Variants in ZNF707 observed in about 807,000 individuals in gnomAD.
The protein encoded by ZNF707 is zinc finger protein 707.
A neutral mutation model predicts 13.3 loss-of-function variants in ZNF707; 8 were observed. The observed-to-expected ratio is 0.60, with a 90% CI of 0.35 to 1.09. ZNF707 has a LOEUF of 1.09. Among genes scored for constraint, ZNF707 ranks in the 50% least tolerant of loss-of-function variants. ZNF707 has a pLI of 0.02. For synonymous variants in ZNF707, 225 were observed against 205.6 expected (o/e 1.09, Z -0.81); for missense variants, 530 against 512.6 (o/e 1.03, Z -0.33).
Position 143,693,983 on chromosome 8 carries a change from G to C in ZNF707, c.569G>C (p.Arg190Pro). The change falls in exon 6 of 6, where the codon CGG becomes CCG. Residue 190 changes from arginine (R) to proline (P), a missense_variant. Coordinates refer to ENST00000358656, the MANE Select transcript of ZNF707 (RefSeq NM_001100598.2). This position sits in a 1 kb window ranked among gnomAD's most constrained non-coding sequence, Gnocchi z 4.1. ...GGGAAGGCGCTCAGCTGCCACAGCC[G>C]GCTGCTCGCTCACCAGACGGTGCAC... is the stretch of plus-strand genomic sequence containing the variant. The part of the protein sequence containing the change: ...TCGKALSCHS[R>P]LLAHQTVHTG... The C allele has an allele frequency of 3.1e-6, 5 of 1,602,442 alleles. No individual in the cohort carries two copies. Among genetic ancestry groups the C allele is most frequent in the Middle Eastern group, 1.7e-4 (1 of 5,998 alleles).
In ZNF707 at chr8:143,694,360, TAC is replaced by T; in HGVS notation, c.949_950del (p.Thr317LeufsTer144). On this transcript the variant is annotated frameshift_variant, in exon 6 of 6. Coordinates refer to ENST00000358656, the MANE Select transcript of ZNF707 (RefSeq NM_001100598.2). LOFTEE classifies it low-confidence loss of function (END_TRUNC). The surrounding 1 kb of genome is among the most constrained non-coding windows in gnomAD (Gnocchi z 4.4). ...HQRVHSGEKP[Y>X]TCAECGKSFR... ...GAGGGTCCACAGCGGGGAGAAGCCCTACACCTGTGCCGAGTGCGGCAAGTCCT... is the reference window on the plus strand; with the variant it reads ...GAGGGTCCACAGCGGGGAGAAGCCCTACCTGTGCCGAGTGCGGCAAGTCCT... The T allele has an allele frequency of 6.2e-7, 1 of 1,611,906 alleles. No homozygotes were observed. Among genetic ancestry groups the T allele is most frequent in the Non-Finnish European group, 8.5e-7 (1 of 1,179,266 alleles).
chr8:143,695,316 G>C lies in ZNF707; in HGVS notation c.*786G>C, dbSNP rs1357468046. The C allele has an allele frequency of 6.6e-6, 1 of 152,242 alleles. No homozygotes were observed. Among genetic ancestry groups the C allele is most frequent in the Non-Finnish European group, 1.5e-5 (1 of 68,052 alleles). 9.4% of individuals were successfully genotyped at this position (152,242 alleles called of 1,614,324 possible). The stretch of plus-strand genomic sequence containing the variant: ...TCCAGCCAGAAATAAAAATCTGCCA[G>C]TGGTGTTCCCAAGGGAAGACCCCCG... On this transcript the variant is annotated 3_prime_UTR_variant, in exon 6 of 6. Coordinates refer to ENST00000358656, the MANE Select transcript of ZNF707 (RefSeq NM_001100598.2).
Position 143,690,040 on chromosome 8 carries a change from ATTTC to A in ZNF707, c.-52-14_-52-11del. 1.9e-6 allele frequency: 3 copies of A among 1,604,458 alleles called. No individual in the cohort carries two copies. Among genetic ancestry groups the A allele is most frequent in the Non-Finnish European group, 2.5e-6 (3 of 1,177,588 alleles). The stretch of plus-strand genomic sequence containing the variant: ...TCCCAGGCCGGCTATACCCGCTTAC[ATTTC>A]TTGTCTCCCCAGATCTGCCCTCCTT... On this transcript the variant is annotated splice_polypyrimidine_tract_variant and intron_variant, in intron 2 of 5. Coordinates refer to ENST00000358656, the MANE Select transcript of ZNF707 (RefSeq NM_001100598.2).
At chr8:143,692,457 A>C (rs1587396332) in intron 5 of ZNF707, 2 of 308,136 alleles carry the variant, frequency 6.5e-6, no homozygotes, top group Non-Finnish European at 1.2e-5. Flanking sequence ...GGGTGTGTGG[A>C]GCCCCCGGCT....
Position 143,694,551 on chromosome 8 carries a change from G to C in ZNF707, c.*21G>C. The C allele has an allele frequency of 6.4e-7, 1 of 1,566,588 alleles. No individual in the cohort carries two copies. Among genetic ancestry groups the C allele is most frequent in the Non-Finnish European group, 8.7e-7 (1 of 1,152,076 alleles). Reference sequence around the variant, plus strand: ...TGTAGGGGCGCCCGAAGAGTGGGGTGCTGCGCCTCTGCGGGAGTACTGGGT... The same window carrying C: ...TGTAGGGGCGCCCGAAGAGTGGGGTCCTGCGCCTCTGCGGGAGTACTGGGT... On this transcript the variant is annotated 3_prime_UTR_variant, in exon 6 of 6. Coordinates refer to ENST00000358656, the MANE Select transcript of ZNF707 (RefSeq NM_001100598.2). The surrounding 1 kb of genome is among the most constrained non-coding windows in gnomAD (Gnocchi z 4.4).
intron 2 of ZNF707, among the ~76,000 whole-genome samples, chr8:143,689,611 C>T (rs1816614631): frequency 6.6e-6 from 1 of 152,162 alleles, no homozygotes; most frequent in Non-Finnish European, 1.5e-5. Context: ...GAGGTGGCCT[C>T]CTTGTAGCGT....
At position 143,694,189 on chromosome 8, in the gene ZNF707, C is replaced by T. The variant is rs1554614636; in HGVS notation, c.775C>T (p.Pro259Ser). ...QHRKVHTEHR[P>S]YSCGDCGKAF... ...CCGCAAGGTCCACACCGAGCACAGG[C>T]CCTACTCGTGTGGCGACTGTGGGAA... Residue 259 changes from proline (P) to serine (S), a missense_variant, in exon 6 of 6, where the codon CCC becomes TCC. Pro to Ser is a moderately conservative substitution (Grantham distance 74, BLOSUM62 -1). Transcript: ENST00000358656. This position sits in a 1 kb window ranked among gnomAD's most constrained non-coding sequence, Gnocchi z 4.4. The T allele has an allele frequency of 6.4e-7, 1 of 1,574,766 alleles. No homozygotes were observed. The highest frequency in any genetic ancestry group is 1.3e-5 in the African/African-American group (1 of 74,226).
chr8:143,689,819 TC>T (rs1378482896), intron 2 of ZNF707, among the ~76,000 whole-genome samples: 1 of 152,130 alleles, frequency 6.6e-6, no homozygotes, highest in Admixed American at 6.5e-5. Flanking sequence ...ATTTCAGAGT[TC>T]TTGTTTGTGG....
chr8:143,689,759 CAATGGCT>C (rs1554613008), intron 2 of ZNF707, among the ~76,000 whole-genome samples: 1 of 152,202 alleles, frequency 6.6e-6, no homozygotes, highest in Non-Finnish European at 1.5e-5. Flanking sequence ...TTTCAGCCAG[CAATGGCT>C]GGCCTGTCCT....
intron 1 of ZNF707, among the ~76,000 whole-genome samples, chr8:143,686,128 C>T (rs545927035): frequency 8.6e-5 from 13 of 151,802 alleles, no homozygotes; most frequent in South Asian, 4.2e-4. Flanking sequence ...GAGATCGTCT[C>T]GCTCTGTCTC....
intron 3 of ZNF707, chr8:143,690,764 G>A: frequency 2.8e-6 from 1 of 362,576 alleles, no homozygotes; most frequent in South Asian, 7.3e-5. Flanking sequence ...GTTTCTGGTG[G>A]GGGCCACTAT....
Position 143,693,080 on chromosome 8 carries a change from G to A in ZNF707, c.257-591G>A, listed in dbSNP as rs905983536. Among the ~76,000 whole-genome samples the A allele has an allele frequency of 6.6e-6, 1 of 152,136 alleles. No individual in the cohort carries two copies. The highest frequency in any genetic ancestry group is 1.5e-5 in the Non-Finnish European group (1 of 68,016). On this transcript the variant is annotated intron_variant, in intron 5 of 5. Transcript: ENST00000358656. The surrounding 1 kb of genome is among the most constrained non-coding windows in gnomAD (Gnocchi z 4.1). Reference sequence around the variant, plus strand: ...TTCTGTTGGTTGGCAGGCATGTGTCGGCTCTCCCTCACGTCAGCAGTGCCG... The same window carrying A: ...TTCTGTTGGTTGGCAGGCATGTGTCAGCTCTCCCTCACGTCAGCAGTGCCG...
At position 143,693,946 on chromosome 8, in the gene ZNF707, T is replaced by G; in HGVS notation, c.532T>G (p.Cys178Gly). 1 of 1,601,524 alleles carries G rather than the reference T, an allele frequency of 6.2e-7. No homozygotes were observed. The highest frequency in any genetic ancestry group is 2.3e-5 in the East Asian group (1 of 44,406). ...KQRAVELSFI[C>G]GTCGKALSCH... ...GCGCGCAGTAGAGCTGTCATTCATC[T>G]GCGGCACGTGCGGGAAGGCGCTCAG... The change falls in exon 6 of 6, where the codon TGC (cysteine) becomes GGC (glycine). Residue 178 changes from cysteine to glycine, a missense_variant. Physicochemically the swap from Cys to Gly is radical, Grantham distance 159. Coordinates refer to ENST00000358656, the MANE Select transcript of ZNF707 (RefSeq NM_001100598.2). This position sits in a 1 kb window ranked among gnomAD's most constrained non-coding sequence, Gnocchi z 4.1.
At position 143,690,141 on chromosome 8, in the gene ZNF707, C is replaced by A; in HGVS notation, c.15+18C>A. 1 of 1,604,004 alleles carries A rather than the reference C, an allele frequency of 6.2e-7. No homozygotes were observed. Among genetic ancestry groups the A allele is most frequent in the Non-Finnish European group, 8.5e-7 (1 of 1,179,658 alleles). On this transcript the variant is annotated intron_variant, in intron 3 of 5. Transcript: ENST00000358656. ...TGGCCCAGGTGAGCCCTGCTGCTGC[C>A]GAGCGCAGCCTCCCTTCTGCCCTGC...
Position 143,694,462 on chromosome 8 carries a change from G to A in ZNF707, c.1048G>A (p.Gly350Arg). 6.2e-7 allele frequency: 1 copy of A among 1,611,908 alleles called. No homozygotes were observed. Among genetic ancestry groups the A allele is most frequent in the Non-Finnish European group, 8.5e-7 (1 of 1,179,128 alleles). Residue 350 changes from glycine (G) to arginine (R), a missense_variant, in exon 6 of 6, where the codon GGG becomes AGG. Physicochemically the swap from Gly to Arg is moderately radical, Grantham distance 125. Coordinates refer to ENST00000358656, the MANE Select transcript of ZNF707 (RefSeq NM_001100598.2). This position sits in a 1 kb window ranked among gnomAD's most constrained non-coding sequence, Gnocchi z 4.4. ...GAGGTTCTACGAGTGCGGCCACTGT[G>A]GGAAAGGCTTCCGTCACCTGGGGTT... ...TKRFYECGHC[G>R]KGFRHLGFFT...
At position 143,694,038 on chromosome 8, in the gene ZNF707, G is replaced by C; in HGVS notation, c.624G>C (p.Glu208Asp). Residue 208 changes from glutamate (E) to aspartate (D), a missense_variant, in exon 6 of 6, where the codon GAG becomes GAC. Physicochemically the swap from Glu to Asp is conservative, Grantham distance 45. Coordinates refer to ENST00000358656, the MANE Select transcript of ZNF707 (RefSeq NM_001100598.2). The surrounding 1 kb of genome is among the most constrained non-coding windows in gnomAD (Gnocchi z 4.4). ...GAACCAAGGCCTTCGAGTGCCCCGA[G>C]TGCGGCCAGACCTTCCGGTGGGCTT... ...HTGTKAFECP[E>D]CGQTFRWASN... The C allele has an allele frequency of 1.2e-6, 2 of 1,607,038 alleles. No individual in the cohort carries two copies. Among genetic ancestry groups the C allele is most frequent in the Middle Eastern group, 1.7e-4 (1 of 5,966 alleles).
At position 143,694,712 on chromosome 8, in the gene ZNF707, G is replaced by C; in HGVS notation, c.*182G>C. The C allele has an allele frequency of 1.4e-6, 1 of 690,524 alleles. No individual in the cohort carries two copies. Among genetic ancestry groups the C allele is most frequent in the Non-Finnish European group, 2.3e-6 (1 of 433,440 alleles). 42.8% of individuals were successfully genotyped at this position (690,524 alleles called of 1,614,324 possible). A position where few individuals can be genotyped will look rare whatever the true frequency, so the allele number is the denominator to read the frequency against. On this transcript the variant is annotated 3_prime_UTR_variant, in exon 6 of 6. Coordinates refer to ENST00000358656, the MANE Select transcript of ZNF707 (RefSeq NM_001100598.2). This position sits in a 1 kb window ranked among gnomAD's most constrained non-coding sequence, Gnocchi z 4.4. ...GGAAAACTGCCAGGTGGGAGAAGCA[G>C]AGCCATGGGTACGCCGGAGATGGCG...
intron 5 of ZNF707, chr8:143,692,256 G>T: frequency 7.8e-7 from 1 of 1,290,050 alleles, no homozygotes; most frequent in Non-Finnish European, 1.0e-6. Context: ...GTGGGATGGA[G>T]CAGCTATGTG....
In ZNF707 at chr8:143,694,308, G is replaced by A. The variant is rs367958026; in HGVS notation, c.894G>A (p.Arg298=). The change falls in exon 6 of 6, where the codon CGG becomes CGA. Residue 298 remains arginine (R), a synonymous_variant. Transcript: ENST00000358656. This position sits in a 1 kb window ranked among gnomAD's most constrained non-coding sequence, Gnocchi z 4.4. ...FYCADCGKAF[R]TKENLSHHQR... Reference sequence around the variant, plus strand: ...GCGCGGACTGCGGCAAAGCCTTCCGGACCAAGGAGAACCTCAGCCACCACC... The same window carrying A: ...GCGCGGACTGCGGCAAAGCCTTCCGAACCAAGGAGAACCTCAGCCACCACC... The A allele has an allele frequency of 3.1e-6, 5 of 1,601,362 alleles. No individual in the cohort carries two copies. The Admixed American group carries it at 5.1e-5, about 16-fold the overall frequency.
Sources: gnomAD v4.1 joint callset for allele counts (sites outside exome capture counted in the v4.1 genomes callset) on GRCh38, gnomAD v4.1.1 for gene constraint, Gnocchi (gnomAD v3.1) non-coding constraint, MANE v1.5 for transcripts, NCBI Gene and HGNC (gene_info 2026-07-23, HGNC 2026-07-21) for gene names.